The following PCDH15 variants were observed in gnomAD, a reference collection of about 807,000 sequenced individuals.
The protein encoded by PCDH15 is protocadherin-15.
A neutral mutation model predicts 178.5 loss-of-function variants in PCDH15; 129 were observed. That is an observed-to-expected ratio of 0.72 (90% CI 0.63 to 0.84). The LOEUF is 0.84. Ranked by LOEUF, PCDH15 falls within the 40% of genes least tolerant of loss-of-function variation. The pLI is 0.00. For missense variants in PCDH15, 2,230 were observed against 2,099.9 expected (o/e 1.06, Z -1.21); for synonymous variants, 800 against 732.0 (o/e 1.09, Z -1.50).
chr10:55,390,390 A>G (rs1837763681), intron 2 of PCDH15, among the ~76,000 whole-genome samples: 1 of 152,180 alleles, frequency 6.6e-6, no homozygotes, highest in Non-Finnish European at 1.5e-5. Flanking sequence ...AGGTAAATCA[A>G]TAATGAAGTT....
chr10:54,554,351 G>C lies in PCDH15; in HGVS notation c.92-26474C>G, dbSNP rs181131460. ...AACTAAGAATCAATGTAAAAGTCTGGACAAAGTACAGAGGAATTTAGAATC... is the reference window on the plus strand; with the variant it reads ...AACTAAGAATCAATGTAAAAGTCTGCACAAAGTACAGAGGAATTTAGAATC... On this transcript the variant is annotated intron_variant, in intron 2 of 37. Transcript: ENST00000644397. Among the ~76,000 whole-genome samples, 152 of 152,182 alleles carry C rather than the reference G, an allele frequency of 1.0e-3. 1 individual carries two copies. Among genetic ancestry groups the C allele is most frequent in the African/African-American group, 3.6e-3 (148 of 41,522 alleles).
chr10:54,651,225 G>A (rs1026849964), intron 2 of PCDH15, among the ~76,000 whole-genome samples: 2 of 151,630 alleles, frequency 1.3e-5, no homozygotes, highest in African/African-American at 4.8e-5. Context: ...ATAGACAGAA[G>A]GAAATAAAAT....
chr10:54,722,478 C>T (rs1440523378), intron 1 of PCDH15, among the ~76,000 whole-genome samples: 4 of 151,266 alleles, frequency 2.6e-5, no homozygotes, highest in African/African-American at 9.7e-5. Context: ...TTTAGTTGAT[C>T]CTTTGTGTTG....
At chr10:55,158,621 G>T (rs1406597456) in intron 2 of PCDH15, among the ~76,000 whole-genome samples, 1 of 149,838 alleles carries the variant, frequency 6.7e-6, no homozygotes, top group African/African-American at 2.5e-5. Flanking sequence ...AAAAATAAAA[G>T]CTTTTAAAGT....
intron 2 of PCDH15, among the ~76,000 whole-genome samples, chr10:55,476,898 C>T (rs1840072689): frequency 1.3e-5 from 2 of 151,894 alleles, no homozygotes; most frequent in African/African-American, 4.8e-5. Flanking sequence ...CCTCTCCCCT[C>T]GTGCCTTTAC....
intron 3 of PCDH15, among the ~76,000 whole-genome samples, chr10:54,504,097 A>G (rs549857761): frequency 1.3e-5 from 2 of 152,262 alleles, no homozygotes; most frequent in African/African-American, 4.8e-5. Flanking sequence ...TAAAATACAC[A>G]TAAATTCACT....
intron 21 of PCDH15, among the ~76,000 whole-genome samples, chr10:53,982,832 A>T (rs1307048049): frequency 6.6e-6 from 1 of 150,682 alleles, no homozygotes; most frequent in African/African-American, 2.4e-5. Flanking sequence ...ATAATAAAAA[A>T]ATATAAAAAA....
chr10:54,340,617 T>C (rs1046877317), intron 6 of PCDH15, among the ~76,000 whole-genome samples: 5 of 152,102 alleles, frequency 3.3e-5, no homozygotes, highest in African/African-American at 1.2e-4. Flanking sequence ...TGAGAGCTTA[T>C]TAAAAAGTTT....
chr10:54,238,206 T>G (rs1450804690), intron 8 of PCDH15, among the ~76,000 whole-genome samples: 1 of 152,150 alleles, frequency 6.6e-6, no homozygotes, highest in Non-Finnish European at 1.5e-5. Context: ...ATTACTGCAA[T>G]GTTCTCATAT....
intron 3 of PCDH15, among the ~76,000 whole-genome samples, chr10:54,822,770 C>CT (rs1953067753): frequency 6.6e-6 from 1 of 151,916 alleles, no homozygotes; most frequent in South Asian, 2.1e-4. Flanking sequence ...ACTTCCCTTC[C>CT]TTTACATCAT....
intron 1 of PCDH15, among the ~76,000 whole-genome samples, chr10:55,259,947 C>T (rs1180861200): frequency 1.9e-5 from 2 of 105,400 alleles, no homozygotes; most frequent in African/African-American, 7.1e-5. Flanking sequence ...AAAAGTTTAG[C>T]TAAGAAGAGA....
At chr10:55,325,911 T>C (rs909286087) in intron 2 of PCDH15, among the ~76,000 whole-genome samples, 4 of 152,070 alleles carry the variant, frequency 2.6e-5, no homozygotes, top group South Asian at 2.1e-4. Context: ...AACAACCCCA[T>C]TAAAAAGTGG....
At chr10:55,303,786 G>C (rs377412918) in intron 1 of PCDH15, among the ~76,000 whole-genome samples, 1 of 151,320 alleles carries the variant, frequency 6.6e-6, no homozygotes, top group Non-Finnish European at 1.5e-5. Flanking sequence ...TTGATAAATT[G>C]TGCCTGTCTC....
chr10:53,995,578 T>C (rs1159118934), intron 21 of PCDH15, 71 bp downstream of exon 21: 7 of 1,612,464 alleles, frequency 4.3e-6, no homozygotes, highest in Non-Finnish European at 5.9e-6. Context: ...TGTCTTGTGA[T>C]TCGGTCATTT....
At chr10:54,635,719 G>A (rs1037046671) in intron 2 of PCDH15, among the ~76,000 whole-genome samples, 13 of 151,754 alleles carry the variant, frequency 8.6e-5, no homozygotes, top group Non-Finnish European at 1.8e-4. Flanking sequence ...TGTCCAAATT[G>A]TTCTGCTATT....
chr10:55,194,207 G>GTCTT (rs886140322), intron 1 of PCDH15, among the ~76,000 whole-genome samples: 4 of 151,932 alleles, frequency 2.6e-5, no homozygotes, highest in African/African-American at 9.7e-5. Context: ...GTGATTCATT[G>GTCTT]TCTTTCTTTC....
chr10:53,950,624 C>G (rs376210531), intron 23 of PCDH15, among the ~76,000 whole-genome samples: 136 of 152,240 alleles, frequency 8.9e-4, no homozygotes, highest in African/African-American at 3.2e-3. Flanking sequence ...ACTTTTAAAA[C>G]TGATGACAAG....
intron 3 of PCDH15, among the ~76,000 whole-genome samples, chr10:54,887,860 A>G (rs1254189082): frequency 1.1e-4 from 17 of 152,154 alleles, no homozygotes; most frequent in Non-Finnish European, 2.5e-4. Context: ...TCCATTCAAC[A>G]ATGAAAAACA....
intron 2 of PCDH15, among the ~76,000 whole-genome samples, chr10:54,901,920 T>C (rs1376476434): frequency 2.0e-5 from 3 of 152,132 alleles, no homozygotes; most frequent in Non-Finnish European, 4.4e-5. Context: ...ATCATAATTT[T>C]ATAACTGTGC....
Sources: gnomAD v4.1 joint callset for allele counts (sites outside exome capture counted in the v4.1 genomes callset) on GRCh38, gnomAD v4.1.1 for gene constraint, MANE v1.5 for transcripts, NCBI Gene and HGNC (gene_info 2026-07-23, HGNC 2026-07-21) for gene names.